EYS: variants seen among roughly 807,000 people sequenced by gnomAD.
EYS encodes EGF-like photoreceptor maintenance factor, also known as protein eyes shut homolog.
In EYS, 250 loss-of-function variants were observed where a neutral mutation model predicts 282.1. The ratio of observed to expected loss-of-function variants is 0.89; its 90% CI spans 0.80 to 0.98. EYS has a LOEUF of 0.98. EYS is among the 50% of genes least tolerant of loss of function. The probability of loss-of-function intolerance (pLI) is 0.00; values close to 1 mark genes in which losing one functional copy is unlikely to be tolerated. For missense variants in EYS, 4,016 were observed against 3,709.0 expected, an observed-to-expected ratio of 1.08 and a Z score of -2.15; for synonymous variants, 1,355 against 1,282.9, an observed-to-expected ratio of 1.06 and a Z score of -1.20.
chr6:63,766,400 T>C (rs1288512482), intron 40 of EYS, among the ~76,000 whole-genome samples: 3 of 152,026 alleles, frequency 2.0e-5, no homozygotes, highest in Admixed American at 2.0e-4. Flanking sequence ...TCTTGGTTTA[T>C]TGTAAGTTTT....
At chr6:63,846,733 GAA>G (rs933637879) in intron 36 of EYS, among the ~76,000 whole-genome samples, 58 of 152,268 alleles carry the variant, frequency 3.8e-4, no homozygotes, top group African/African-American at 1.3e-3. Context: ...GGCAGAGACA[GAA>G]AAGAGTTAAT....
At chr6:65,049,764 G>C (rs1257524704) in intron 13 of EYS, among the ~76,000 whole-genome samples, 1 of 151,496 alleles carries the variant, frequency 6.6e-6, no homozygotes, top group Non-Finnish European at 1.5e-5. Flanking sequence ...TTCTCCTTTT[G>C]ACAATGCAAA....
intron 2 of EYS, among the ~76,000 whole-genome samples, chr6:65,506,099 C>T (rs557620909): frequency 6.6e-6 from 1 of 152,204 alleles, no homozygotes; most frequent in South Asian, 2.1e-4. Flanking sequence ...TGTCTGTTTG[C>T]AGAATTGATT....
At chr6:64,713,261 AAAAT>A (rs1452973286) in intron 22 of EYS, 1 of 152,152 alleles carries the variant, frequency 6.6e-6, no homozygotes, top group African/African-American at 2.4e-5. Flanking sequence ...TGCAGCAGGG[AAAAT>A]ACTTACTTTG....
chr6:65,320,808 G>T (rs1420864421), intron 11 of EYS, among the ~76,000 whole-genome samples: 1 of 152,138 alleles, frequency 6.6e-6, no homozygotes, highest in Non-Finnish European at 1.5e-5. Flanking sequence ...CCTGAAAAAG[G>T]TGGCCTTAGC....
chr6:65,663,873 T>C (rs1409035027), intron 1 of EYS, among the ~76,000 whole-genome samples: 45 of 138,832 alleles, frequency 3.2e-4, no homozygotes, highest in African/African-American at 7.2e-4. Flanking sequence ...TTTCTTTTTT[T>C]TTTTTTTTTT....
intron 12 of EYS, among the ~76,000 whole-genome samples, chr6:65,197,551 T>G (rs1319727700): frequency 1.3e-5 from 2 of 152,118 alleles, no homozygotes; most frequent in Admixed American, 6.6e-5. Flanking sequence ...GCCACATTGA[T>G]GACATTAGAT....
chr6:65,522,421 T>C (rs749559903), intron 2 of EYS, among the ~76,000 whole-genome samples: 9 of 152,088 alleles, frequency 5.9e-5, no homozygotes, highest in Middle Eastern at 3.2e-3. Context: ...GGTAATGAAG[T>C]GAGACACTGC....
At chr6:63,754,799 C>G (rs1163804596) in intron 41 of EYS, among the ~76,000 whole-genome samples, 2 of 152,196 alleles carry the variant, frequency 1.3e-5, no homozygotes, top group Non-Finnish European at 2.9e-5. Context: ...CTAATTTACA[C>G]TCCCACCAAC....
intron 31 of EYS, among the ~76,000 whole-genome samples, chr6:64,123,446 C>T (rs1441388324): frequency 1.3e-5 from 2 of 152,098 alleles, no homozygotes; most frequent in African/African-American, 4.8e-5. Context: ...TTTCTCTAAA[C>T]AAGCATGGGT....
intron 28 of EYS, among the ~76,000 whole-genome samples, chr6:64,405,256 G>GGA (rs1773669135): frequency 6.6e-6 from 1 of 152,100 alleles, no homozygotes; most frequent in Non-Finnish European, 1.5e-5. Context: ...TTGTCAAATA[G>GGA]GAGACTTGGG....
intron 35 of EYS, among the ~76,000 whole-genome samples, chr6:63,976,838 T>G (rs543995968): frequency 6.6e-6 from 1 of 152,144 alleles, no homozygotes; most frequent in South Asian, 2.1e-4. Context: ...GGCCTGAAGC[T>G]CATATAATTT....
chr6:64,797,739 A>G (rs1040496826), intron 22 of EYS, among the ~76,000 whole-genome samples: 1 of 152,028 alleles, frequency 6.6e-6, no homozygotes, highest in Non-Finnish European at 1.5e-5. Context: ...TTAATAAGAC[A>G]TTTAAAATAG....
intron 2 of EYS, among the ~76,000 whole-genome samples, chr6:65,509,031 T>C (rs1766767037): frequency 6.6e-6 from 1 of 152,144 alleles, no homozygotes; most frequent in South Asian, 2.1e-4. Flanking sequence ...ATACATAAAG[T>C]GTATTTTGTT....
At chr6:64,887,277 T>C (rs1286953266) in intron 18 of EYS, among the ~76,000 whole-genome samples, 2 of 103,574 alleles carry the variant, frequency 1.9e-5, no homozygotes, top group African/African-American at 7.5e-5. Context: ...CCGGGGACTG[T>C]TGTGGGGTGG....
chr6:64,394,357 C>T (rs988946373), intron 28 of EYS, among the ~76,000 whole-genome samples: 2 of 151,968 alleles, frequency 1.3e-5, no homozygotes, highest in Non-Finnish European at 2.9e-5. Flanking sequence ...AAGCTGGAGG[C>T]ATCACGCTAC....
chr6:64,392,955 A>G (rs1255928224), intron 28 of EYS, among the ~76,000 whole-genome samples: 2 of 152,106 alleles, frequency 1.3e-5, no homozygotes, highest in African/African-American at 4.8e-5. Context: ...TATCACCACC[A>G]ATCCCACAGA....
At chr6:63,909,826 C>G (rs189831167) in intron 35 of EYS, among the ~76,000 whole-genome samples, 2 of 152,274 alleles carry the variant, frequency 1.3e-5, no homozygotes, top group East Asian at 3.9e-4. Context: ...TCAGGACTAT[C>G]AAAATCTTCC....
At chr6:63,724,534 GATTA>G (rs1325014426) in intron 42 of EYS, among the ~76,000 whole-genome samples, 1 of 152,022 alleles carries the variant, frequency 6.6e-6, no homozygotes, top group Non-Finnish European at 1.5e-5. Flanking sequence ...TTCAGGCTTT[GATTA>G]ATTTGTGCTT....
Sources: allele counts gnomAD v4.1 joint callset (sites outside exome capture counted in the v4.1 genomes callset), GRCh38; gene constraint gnomAD v4.1.1; transcripts MANE v1.5; gene names NCBI Gene and HGNC (gene_info 2026-07-23, HGNC 2026-07-21).